The following DRC5 variants were observed in gnomAD, a reference collection of about 807,000 sequenced individuals.
DRC5 encodes T-complex-associated testis-expressed protein 1.
the DRC5 span, chr6:44,280,259 T>C: frequency 1.2e-6 from 2 of 1,614,222 alleles, no homozygotes; most frequent in Non-Finnish European, 8.5e-7. Context: ...GCTGGCGGGC[T>C]GCTTCTCGGT....
the DRC5 span, among the ~76,000 whole-genome samples, chr6:44,291,124 G>T: frequency 9.2e-5 from 14 of 152,258 alleles, no homozygotes; most frequent in Admixed American, 4.6e-4. Context: ...GTGCATGGCT[G>T]GTATAAAAAT....
the DRC5 span, among the ~76,000 whole-genome samples, chr6:44,289,009 A>AAG: frequency 1.6e-5 from 2 of 125,228 alleles, no homozygotes; most frequent in East Asian, 2.0e-4. Context: ...AAAAAAAAAA[A>AAG]AAAAAAAAAA....
chr6:44,287,686 G>T, the DRC5 span: 9 of 1,614,246 alleles, frequency 5.6e-6, no homozygotes, highest in South Asian at 1.1e-5. Context: ...CCTGGACTTT[G>T]CAGGGACTGG....
chr6:44,297,122 A>G, the DRC5 span, among the ~76,000 whole-genome samples: 2 of 152,152 alleles, frequency 1.3e-5, no homozygotes, highest in African/African-American at 4.8e-5. Flanking sequence ...GCTCAGCTCC[A>G]AAGGCCAGGA....
the DRC5 span, chr6:44,286,607 C>T: frequency 7.2e-7 from 1 of 1,382,568 alleles, no homozygotes; most frequent in East Asian, 2.3e-5. Context: ...CAGGCTGGGC[C>T]TGCCTGGGAG....
the DRC5 span, among the ~76,000 whole-genome samples, chr6:44,281,173 T>A: frequency 6.6e-6 from 1 of 152,144 alleles, no homozygotes; most frequent in African/African-American, 2.4e-5. Context: ...CAACCCCTGC[T>A]GGGCTGGGTG....
the DRC5 span, among the ~76,000 whole-genome samples, chr6:44,293,365 A>G: frequency 3.8e-3 from 573 of 151,602 alleles, 5 homozygotes; most frequent in Middle Eastern, 0.041. Context: ...GTAATCCTAG[A>G]ACTTTGGGAG....
At chr6:44,286,107 C>G in the DRC5 span, 2 of 1,614,160 alleles carry the variant, frequency 1.2e-6, no homozygotes, top group South Asian at 2.2e-5. Flanking sequence ...CTCAGGCCAG[C>G]TACCAGATCG....
the DRC5 span, among the ~76,000 whole-genome samples, chr6:44,295,990 C>T: frequency 1.3e-5 from 2 of 152,184 alleles, no homozygotes; most frequent in Non-Finnish European, 2.9e-5. Flanking sequence ...ATGCTAGATA[C>T]CTTACTACAT....
chr6:44,289,042 C>CTTT, the DRC5 span, among the ~76,000 whole-genome samples: 9 of 78,948 alleles, frequency 1.1e-4, no homozygotes, highest in African/African-American at 4.6e-4. Flanking sequence ...GTGAAATTAG[C>CTTT]TTTTTTTTTT....
the DRC5 span, among the ~76,000 whole-genome samples, chr6:44,295,126 C>T: frequency 6.6e-6 from 1 of 152,176 alleles, no homozygotes; most frequent in African/African-American, 2.4e-5. Flanking sequence ...TTGGGCCAGT[C>T]AGAGAATGCC....
the DRC5 span, chr6:44,279,965 G>C: frequency 2.1e-6 from 1 of 471,016 alleles, no homozygotes; most frequent in Non-Finnish European, 3.8e-6. Context: ...CCTTTCCCTG[G>C]GCACAAAGGC....
At chr6:44,286,648 T>G in the DRC5 span, 20 of 878,112 alleles carry the variant, frequency 2.3e-5, no homozygotes, top group Middle Eastern at 6.8e-4. Context: ...CTTCCCTGCT[T>G]AGGGGATAGA....
At chr6:44,284,968 G>C in the DRC5 span, among the ~76,000 whole-genome samples, 6 of 152,218 alleles carry the variant, frequency 3.9e-5, no homozygotes, top group Non-Finnish European at 8.8e-5. Flanking sequence ...GTGTCCCAGA[G>C]CTCCTAAGGA....
At chr6:44,281,988 A>G in the DRC5 span, 2 of 905,784 alleles carry the variant, frequency 2.2e-6, no homozygotes, top group South Asian at 3.4e-5. Flanking sequence ...GATACACAGT[A>G]TGTGTGCATA....
chr6:44,297,338 G>A, the DRC5 span, among the ~76,000 whole-genome samples: 2 of 152,204 alleles, frequency 1.3e-5, no homozygotes, highest in South Asian at 2.1e-4. Context: ...ACGCCCTACG[G>A]ATGCCCCACT....
the DRC5 span, among the ~76,000 whole-genome samples, chr6:44,294,939 C>A: frequency 6.6e-6 from 1 of 152,102 alleles, no homozygotes; most frequent in Admixed American, 6.5e-5. Flanking sequence ...CATCAGCCTG[C>A]AGCTGAGGGT....
the DRC5 span, chr6:44,282,479 G>A: frequency 4.2e-5 from 67 of 1,611,248 alleles, no homozygotes; most frequent in Middle Eastern, 3.1e-3. Flanking sequence ...CCAGCTCCTC[G>A]AGGACTGGGT....
the DRC5 span, among the ~76,000 whole-genome samples, chr6:44,289,664 C>T: frequency 1.3e-5 from 2 of 152,186 alleles, no homozygotes; most frequent in Non-Finnish European, 2.9e-5. Context: ...CTCCCAGCCT[C>T]CCAGCATTCC....
Sources: allele counts gnomAD v4.1 joint callset (sites outside exome capture counted in the v4.1 genomes callset), GRCh38; gene constraint gnomAD v4.1.1; transcripts MANE v1.5; gene names NCBI Gene and HGNC (gene_info 2026-07-23, HGNC 2026-07-21).